SEC14L1: variants seen among roughly 807,000 people sequenced by gnomAD.
The protein encoded by SEC14L1 is SEC14 like lipid binding 1, also known as SEC14-like protein 1.
Under a neutral mutation model 85.3 loss-of-function variants are expected in SEC14L1, and 48 were observed. That is an observed-to-expected ratio of 0.56 (90% CI 0.45 to 0.72). SEC14L1 has a LOEUF of 0.72. Ranked by LOEUF, SEC14L1 falls within the 30% of genes least tolerant of loss-of-function variation. The pLI is 0.00. For missense variants in SEC14L1, 682 were observed against 921.4 expected (o/e 0.74, Z 3.36); for synonymous variants, 391 against 355.5 (o/e 1.10, Z -1.12).
chr17:77,197,057 C>T (rs913546262), intron 8 of SEC14L1, among the ~76,000 whole-genome samples: 5 of 152,180 alleles, frequency 3.3e-5, no homozygotes, highest in African/African-American at 7.2e-5. Context: ...TCACAGCCAG[C>T]GAGTGGTGGG....
intron 3 of SEC14L1, among the ~76,000 whole-genome samples, chr17:77,124,955 A>G (rs541767343): frequency 3.3e-5 from 5 of 150,026 alleles, no homozygotes; most frequent in African/African-American, 9.7e-5. Context: ...CTGCTAGAAC[A>G]TAAGAATAAG....
intron 5 of SEC14L1, among the ~76,000 whole-genome samples, 167 bp downstream of exon 5, chr17:77,191,479 C>T (rs189117981): frequency 2.6e-4 from 40 of 152,074 alleles, no homozygotes; most frequent in African/African-American, 9.4e-4. Flanking sequence ...GGTGTGGTCT[C>T]CTGCAGAGTG....
At chr17:77,202,920 A>C (rs1256086450) in intron 9 of SEC14L1, among the ~76,000 whole-genome samples, 2 of 126,282 alleles carry the variant, frequency 1.6e-5, no homozygotes, top group East Asian at 4.6e-4. Context: ...CTCTCTCTCT[A>C]AAAAAAATAA....
At chr17:77,183,393 A>G (rs62078336) in intron 3 of SEC14L1, among the ~76,000 whole-genome samples, 2 of 152,368 alleles carry the variant, frequency 1.3e-5, no homozygotes, top group East Asian at 1.9e-4. Flanking sequence ...TTTGAAAGTA[A>G]GTTGCTTTAT....
chr17:77,122,657 T>C (rs1972330219), intron 3 of SEC14L1, among the ~76,000 whole-genome samples: 1 of 152,244 alleles, frequency 6.6e-6, no homozygotes, highest in Non-Finnish European at 1.5e-5. Flanking sequence ...AAGATGACCG[T>C]GTGCTCTCGT....
intron 3 of SEC14L1, among the ~76,000 whole-genome samples, chr17:77,097,287 C>T (rs955073872): frequency 1.3e-5 from 2 of 152,286 alleles, no homozygotes; most frequent in South Asian, 2.1e-4. Flanking sequence ...TGATTGTGGC[C>T]GGGCACGGTG....
chr17:77,191,876 A>G (rs1244679842), intron 5 of SEC14L1, among the ~76,000 whole-genome samples: 1 of 151,130 alleles, frequency 6.6e-6, no homozygotes, highest in African/African-American at 2.4e-5. Flanking sequence ...AGCTCACTGC[A>G]ACCTCTGCCT....
intron 3 of SEC14L1, among the ~76,000 whole-genome samples, chr17:77,182,972 C>A (rs1407380461): frequency 1.3e-5 from 2 of 152,240 alleles, no homozygotes; most frequent in East Asian, 3.9e-4. Flanking sequence ...GGAGAAGGCC[C>A]CGTCCCGCTG....
At chr17:77,161,667 GCTTTA>G (rs1376012034) in intron 3 of SEC14L1, among the ~76,000 whole-genome samples, 1 of 143,276 alleles carries the variant, frequency 7.0e-6, no homozygotes, top group Non-Finnish European at 1.5e-5. Context: ...TAGAGATTTT[GCTTTA>G]CTTTCATGAA....
chr17:77,171,031 AGT>A (rs1974501862), intron 3 of SEC14L1, among the ~76,000 whole-genome samples: 1 of 152,214 alleles, frequency 6.6e-6, no homozygotes, highest in Non-Finnish European at 1.5e-5. Context: ...GGGGCATTTC[AGT>A]GTAATGAATT....
intron 3 of SEC14L1, among the ~76,000 whole-genome samples, chr17:77,100,358 T>A (rs1157402049): frequency 6.6e-6 from 1 of 150,856 alleles, no homozygotes; most frequent in Non-Finnish European, 1.5e-5. Context: ...TGTATTGTTG[T>A]CCCTGTTAAT....
chr17:77,205,165 G>T (rs928061776), intron 10 of SEC14L1, 111 bp from the exon 11 acceptor site: 8 of 889,346 alleles, frequency 9.0e-6, no homozygotes, highest in Admixed American at 4.7e-5. Context: ...TGACTTTTTT[G>T]ATTTACATGC....
At position 77,205,284 on chromosome 17, in the gene SEC14L1, C is replaced by T; in HGVS notation, c.1107C>T (p.Ser369=). ...GEEALLRYVL[S]INEEGLRRCE... ...TGCCCTTTTGTATGTAGGTTCTCTC[C>T]ATAAATGAAGAAGGGCTAAGGCGAT... The change falls in exon 11 of 17, where the codon TCC becomes TCT. Residue 369 remains serine, a synonymous_variant. Coordinates refer to ENST00000436233, the MANE Select transcript of SEC14L1 (RefSeq NM_001143998.2). 1 of 1,613,922 alleles carries T rather than the reference C, an allele frequency of 6.2e-7. No individual in the cohort carries two copies. The highest frequency in any genetic ancestry group is 2.2e-5 in the East Asian group (1 of 44,878).
intron 3 of SEC14L1, among the ~76,000 whole-genome samples, chr17:77,129,133 A>G (rs982517982): frequency 2.6e-5 from 4 of 152,198 alleles, no homozygotes; most frequent in Non-Finnish European, 5.9e-5. Flanking sequence ...CTATGTGTAC[A>G]GAACATTCCG....
chr17:77,115,396 T>G (rs562841228), intron 3 of SEC14L1, among the ~76,000 whole-genome samples: 1 of 152,256 alleles, frequency 6.6e-6, no homozygotes, highest in Admixed American at 6.5e-5. Flanking sequence ...GCCATTGCAC[T>G]CCAGCCTGGG....
At chr17:77,205,559 C>CAGA (rs1279917417) in intron 11 of SEC14L1, among the ~76,000 whole-genome samples, 1 of 152,132 alleles carries the variant, frequency 6.6e-6, no homozygotes, top group Non-Finnish European at 1.5e-5. Context: ...AGTGGGTTGG[C>CAGA]CTGTCTGCTT....
intron 3 of SEC14L1, among the ~76,000 whole-genome samples, chr17:77,118,241 G>A (rs1019025058): frequency 1.3e-5 from 2 of 152,200 alleles, no homozygotes; most frequent in African/African-American, 2.4e-5. Flanking sequence ...TTACCTAGGC[G>A]GTCTTTCAAG....
intron 3 of SEC14L1, among the ~76,000 whole-genome samples, chr17:77,166,179 G>A (rs1027356123): frequency 3.9e-4 from 59 of 152,302 alleles, no homozygotes; most frequent in African/African-American, 1.4e-3. Context: ...GGGCTCAAGT[G>A]ATCCTCCCAC....
In SEC14L1 at chr17:77,215,720, G is replaced by T. The variant is rs1977004432; in HGVS notation, c.*1697G>T. ...CTTTGCTTCCGGAAAGCGCGGTAGG[G>T]TTCGTAGGTAGGGCTAGTAGGTAGG... On this transcript the variant is annotated 3_prime_UTR_variant, in exon 17 of 17. Transcript: ENST00000436233. 5 of 992,000 alleles carry T rather than the reference G, an allele frequency of 5.0e-6. No individual in the cohort carries two copies. The African/African-American group carries it at 5.4e-5, about 11-fold the overall frequency. The allele number at this position is 992,000 out of a possible 1,614,324, so 61.4% of individuals were successfully genotyped here. A position where few individuals can be genotyped will look rare whatever the true frequency, so the allele number is the denominator to read the frequency against.
Sources: gnomAD v4.1 joint callset for allele counts (sites outside exome capture counted in the v4.1 genomes callset) on GRCh38, gnomAD v4.1.1 for gene constraint, MANE v1.5 for transcripts, NCBI Gene and HGNC (gene_info 2026-07-23, HGNC 2026-07-21) for gene names.